The following KLHL20 variants were observed in gnomAD, a reference collection of about 807,000 sequenced individuals.
The protein encoded by KLHL20 is kelch like family member 20.
Under a neutral mutation model 69.5 loss-of-function variants are expected in KLHL20, and 29 were observed. The ratio of observed to expected loss-of-function variants is 0.42; its 90% CI spans 0.31 to 0.57. The LOEUF (loss-of-function observed/expected upper bound fraction) is 0.57. Among genes scored for constraint, KLHL20 ranks in the 20% least tolerant of loss-of-function variants. The pLI, the probability that KLHL20 is intolerant of heterozygous loss-of-function variation, is 0.18. For missense variants in KLHL20, 419 were observed against 776.0 expected (o/e 0.54, Z 5.47); for synonymous variants, 253 against 265.2 (o/e 0.95, Z 0.45).
At chr1:173,718,967 C>T (rs1015811251) in intron 2 of KLHL20, among the ~76,000 whole-genome samples, 1 of 151,660 alleles carries the variant, frequency 6.6e-6, no homozygotes, top group Non-Finnish European at 1.5e-5. Flanking sequence ...TAGCCGGGTG[C>T]GGTGGCGGGC....
At chr1:173,748,676 C>G (rs1307079537) in intron 3 of KLHL20, among the ~76,000 whole-genome samples, 1 of 151,942 alleles carries the variant, frequency 6.6e-6, no homozygotes, top group African/African-American at 2.4e-5. Flanking sequence ...TGCAGCACAC[C>G]AACATGGCAT....
At chr1:173,757,243 T>C in intron 7 of KLHL20, 84 bp downstream of exon 7, 1 of 1,313,220 alleles carries the variant, frequency 7.6e-7, no homozygotes, top group Non-Finnish European at 1.1e-6. Context: ...ATTGATTTAA[T>C]GCTTTAGTAT....
At chr1:173,771,881 A>G (rs1176945349) in intron 8 of KLHL20, among the ~76,000 whole-genome samples, 2 of 152,228 alleles carry the variant, frequency 1.3e-5, no homozygotes, top group Non-Finnish European at 2.9e-5. Context: ...TCTCAGGGAT[A>G]TTGGAGTGAT....
At chr1:173,722,486 G>GT (rs1447210530) in intron 2 of KLHL20, among the ~76,000 whole-genome samples, 1 of 151,896 alleles carries the variant, frequency 6.6e-6, no homozygotes, top group Non-Finnish European at 1.5e-5. Context: ...GCCAGGCGTG[G>GT]TAGCATGCAC....
At chr1:173,730,834 C>G (rs1215938200) in intron 2 of KLHL20, among the ~76,000 whole-genome samples, 1 of 152,072 alleles carries the variant, frequency 6.6e-6, no homozygotes, top group Non-Finnish European at 1.5e-5. Flanking sequence ...TCTAAAACAC[C>G]AACAGCAATG....
chr1:173,723,447 G>GT (rs1309676315), intron 2 of KLHL20, among the ~76,000 whole-genome samples: 1 of 152,196 alleles, frequency 6.6e-6, no homozygotes, highest in East Asian at 1.9e-4. Context: ...GAAGAACCAT[G>GT]TTTTTTATTT....
intron 10 of KLHL20, among the ~76,000 whole-genome samples, chr1:173,776,248 T>C (rs1648458542): frequency 6.6e-6 from 1 of 152,202 alleles, no homozygotes; most frequent in South Asian, 2.1e-4. Context: ...GAAAGGTCTA[T>C]TCAGATCTTT....
chr1:173,751,535 AGTC>A (rs1336792591), intron 3 of KLHL20, among the ~76,000 whole-genome samples: 1 of 151,984 alleles, frequency 6.6e-6, no homozygotes, highest in Non-Finnish European at 1.5e-5. Context: ...TTATTTTTTA[AGTC>A]ATTTTTCTTA....
At position 173,734,126 on chromosome 1, in the gene KLHL20, G is replaced by A; in HGVS notation, c.437G>A (p.Cys146Tyr). 1 of 1,614,208 alleles carries A rather than the reference G, an allele frequency of 6.2e-7. No homozygotes were observed. The highest frequency in any genetic ancestry group is 8.5e-7 in the Non-Finnish European group (1 of 1,180,048). ...GNVQTLLPAA[C>Y]LLQLAEIQEA... ...GTTCAGACTCTTCTGCCAGCTGCTT[G>A]CCTCCTCCAGCTGGCAGAAATACAG... The change falls in exon 3 of 12, where the codon TGC becomes TAC. Residue 146 changes from cysteine (C) to tyrosine (Y), a missense_variant. Physicochemically the swap from Cys to Tyr is radical, Grantham distance 194 (BLOSUM62 -2). Around this residue, in one of 6 missense-constraint regions of KLHL20, gnomAD observed 99 missense variants for 240.7 expected, o/e 0.41. Coordinates refer to ENST00000209884, the MANE Select transcript of KLHL20 (RefSeq NM_014458.4).
At chr1:173,717,630 T>C (rs1266866800) in intron 2 of KLHL20, among the ~76,000 whole-genome samples, 3 of 152,234 alleles carry the variant, frequency 2.0e-5, no homozygotes, top group African/African-American at 7.2e-5. Flanking sequence ...ACTTTTTATA[T>C]TGAGACTATT....
chr1:173,740,015 A>G (rs924891692), intron 3 of KLHL20, among the ~76,000 whole-genome samples: 1 of 151,080 alleles, frequency 6.6e-6, no homozygotes, highest in African/African-American at 2.4e-5. Flanking sequence ...TGGTCTATCC[A>G]TTTTGTATAT....
chr1:173,722,569 A>C (rs2102454408), intron 2 of KLHL20, among the ~76,000 whole-genome samples: 1 of 152,244 alleles, frequency 6.6e-6, no homozygotes, highest in South Asian at 2.1e-4. Context: ...GTGAGCTGTG[A>C]TCATACCACT....
chr1:173,732,214 G>A (rs144150775), intron 2 of KLHL20, among the ~76,000 whole-genome samples: 65 of 150,982 alleles, frequency 4.3e-4, no homozygotes, highest in African/African-American at 1.5e-3. Context: ...AAAAAAACCA[G>A]TGTGATGGCA....
At chr1:173,762,783 A>G (rs562167417) in intron 7 of KLHL20, among the ~76,000 whole-genome samples, 1 of 152,350 alleles carries the variant, frequency 6.6e-6, no homozygotes, top group Non-Finnish European at 1.5e-5. Context: ...GAATGGGGAA[A>G]AGTTGAAAGC....
intron 7 of KLHL20, 46 bp downstream of exon 7, chr1:173,757,205 T>G: frequency 6.8e-7 from 1 of 1,480,348 alleles, no homozygotes. Context: ...TTCATATAGT[T>G]TTATTTGAGA....
At position 173,741,415 on chromosome 1, in the gene KLHL20, C is replaced by T. The variant is rs190184041; in HGVS notation, c.597+7129C>T. On this transcript the variant is annotated intron_variant, in intron 3 of 11. Transcript: ENST00000209884. ...ACCTCCAATGGATCAAACGTTTAAA[C>T]ATACAAAATAAAACCATGAAAATAT... Among the ~76,000 whole-genome samples the T allele has an allele frequency of 2.0e-4, 30 of 152,252 alleles. 1 individual carries two copies. The highest frequency in any genetic ancestry group is 1.9e-3 in the Admixed American group (29 of 15,290).
intron 3 of KLHL20, among the ~76,000 whole-genome samples, chr1:173,743,973 CATCTT>C (rs1366950597): frequency 3.9e-5 from 6 of 152,114 alleles, no homozygotes; most frequent in Admixed American, 1.3e-4. Context: ...CAATGAATAA[CATCTT>C]ATATGAACAT....
intron 2 of KLHL20, among the ~76,000 whole-genome samples, chr1:173,728,747 G>A (rs917784592): frequency 9.2e-5 from 14 of 152,114 alleles, no homozygotes; most frequent in Admixed American, 6.5e-5. Flanking sequence ...AAAGCAGTGT[G>A]TAGAGGGAAA....
chr1:173,739,282 A>G (rs1672683738), intron 3 of KLHL20, among the ~76,000 whole-genome samples: 1 of 151,994 alleles, frequency 6.6e-6, no homozygotes, highest in Non-Finnish European at 1.5e-5. Flanking sequence ...CGTTTTGCCC[A>G]GACTGGTCTT....
Sources: gnomAD v4.1 joint callset for allele counts (sites outside exome capture counted in the v4.1 genomes callset) on GRCh38, gnomAD v4.1.1 for gene constraint, gnomAD v4.1.1 regional missense constraint, MANE v1.5 for transcripts, NCBI Gene and HGNC (gene_info 2026-07-23, HGNC 2026-07-21) for gene names.